The following KCNC2 variants were observed in gnomAD, a reference collection of about 807,000 sequenced individuals.
KCNC2 encodes potassium voltage-gated channel subfamily C member 2.
In KCNC2, 21 loss-of-function variants were observed where a neutral mutation model predicts 44.5. That is an observed-to-expected ratio of 0.47 (90% CI 0.33 to 0.68). The LOEUF is 0.68. Among genes scored for constraint, KCNC2 ranks in the 30% least tolerant of loss-of-function variants. The pLI is 0.01. For missense variants in KCNC2, 589 were observed against 826.2 expected (o/e 0.71, Z 3.52); for synonymous variants, 391 against 339.1 (o/e 1.15, Z -1.68).
At chr12:75,103,285 G>T (rs181031475) in intron 2 of KCNC2, among the ~76,000 whole-genome samples, 1 of 152,152 alleles carries the variant, frequency 6.6e-6, no homozygotes, top group Non-Finnish European at 1.5e-5. Context: ...TCTTTAGGGG[G>T]TTTACCCCCC....
At chr12:75,069,127 A>ATATTTTTT (rs1231157819) in intron 2 of KCNC2, among the ~76,000 whole-genome samples, 3 of 33,906 alleles carry the variant, frequency 8.8e-5, no homozygotes, top group African/African-American at 9.5e-5. Flanking sequence ...ATTTTATATA[A>ATATTTTTT]TCTTTTTTTT....
At chr12:75,120,233 G>T (rs1008636222) in intron 2 of KCNC2, among the ~76,000 whole-genome samples, 1 of 152,110 alleles carries the variant, frequency 6.6e-6, no homozygotes, top group Non-Finnish European at 1.5e-5. Context: ...GAGATTCCAC[G>T]GTATAGCTAC....
intron 2 of KCNC2, among the ~76,000 whole-genome samples, chr12:75,158,801 T>G (rs1018096683): frequency 1.3e-5 from 2 of 151,906 alleles, no homozygotes; most frequent in Non-Finnish European, 2.9e-5. Flanking sequence ...CAGGGTTATC[T>G]TCTACAGATT....
intron 4 of KCNC2, among the ~76,000 whole-genome samples, chr12:75,046,015 A>G (rs1880466150): frequency 6.6e-6 from 1 of 151,840 alleles, no homozygotes; most frequent in Non-Finnish European, 1.5e-5. Context: ...AAAGGGAAAC[A>G]GGAGAAGAAA....
chr12:75,187,288 C>T (rs994449844), intron 2 of KCNC2, among the ~76,000 whole-genome samples: 3 of 152,070 alleles, frequency 2.0e-5, no homozygotes, highest in Non-Finnish European at 4.4e-5. Context: ...AATTGTGTAC[C>T]GAAGAACACA....
intron 2 of KCNC2, among the ~76,000 whole-genome samples, chr12:75,181,135 T>A (rs1892543826): frequency 6.6e-6 from 1 of 152,002 alleles, no homozygotes; most frequent in Non-Finnish European, 1.5e-5. Flanking sequence ...CTCATGGAAA[T>A]GGAAGAAAAA....
intron 2 of KCNC2, among the ~76,000 whole-genome samples, chr12:75,177,427 T>C (rs1367310242): frequency 1.3e-5 from 2 of 151,970 alleles, no homozygotes; most frequent in Admixed American, 1.3e-4. Flanking sequence ...TTGTGTCAGG[T>C]AAGATGCTTT....
chr12:75,202,873 T>C (rs796343344), intron 2 of KCNC2, among the ~76,000 whole-genome samples: 3 of 151,610 alleles, frequency 2.0e-5, no homozygotes, highest in East Asian at 3.9e-4. Flanking sequence ...TTTAATTTAA[T>C]AGATAATGCC....
chr12:75,049,788 T>C (rs560999154), intron 3 of KCNC2, among the ~76,000 whole-genome samples: 2 of 152,236 alleles, frequency 1.3e-5, no homozygotes, highest in South Asian at 2.1e-4. Context: ...TATAATGAGA[T>C]ACCCTACTTA....
In KCNC2 at chr12:75,041,026, C is replaced by G; in HGVS notation, c.*2079G>C. 8.4e-7 allele frequency: 1 copy of G among 1,196,734 alleles called. No individual in the cohort carries two copies. The highest frequency in any genetic ancestry group is 1.2e-6 in the Non-Finnish European group (1 of 822,130). The allele number at this position is 1,196,734 out of a possible 1,614,324, so 74.1% of individuals were successfully genotyped here. On this transcript the variant is annotated 3_prime_UTR_variant, in exon 5 of 5. Transcript: ENST00000549446. ...TGGGGAGCACCAGATGAGTTCCAGC[C>G]GCAGTTCTTTTATAAGCTTTAAGTG...
chr12:75,155,743 A>G (rs929458869), intron 2 of KCNC2, among the ~76,000 whole-genome samples: 5 of 151,476 alleles, frequency 3.3e-5, no homozygotes, highest in African/African-American at 7.3e-5. Context: ...ACATTGGTCA[A>G]GCAGATGAAG....
intron 2 of KCNC2, among the ~76,000 whole-genome samples, chr12:75,078,475 A>G (rs1002735976): frequency 6.6e-6 from 1 of 152,206 alleles, no homozygotes; most frequent in Non-Finnish European, 1.5e-5. Flanking sequence ...GTTGAATAGA[A>G]TAGCTCTTTC....
intron 2 of KCNC2, among the ~76,000 whole-genome samples, chr12:75,151,951 T>TAATATATTATATATTATACATTTATATAC (rs1379338137): frequency 6.8e-6 from 1 of 146,372 alleles, no homozygotes; most frequent in East Asian, 2.0e-4. Context: ...CATTTATATA[T>TAATATATTATATATTATACATTTATATAC]AATATATTAT....
At chr12:75,043,296 C>A (rs966444436) in intron 4 of KCNC2, 55 bp from the exon 5 acceptor site, 1 of 1,600,270 alleles carries the variant, frequency 6.2e-7, no homozygotes, top group Non-Finnish European at 8.5e-7. Context: ...TATAGACAGA[C>A]AAATAATACC....
intron 2 of KCNC2, among the ~76,000 whole-genome samples, chr12:75,083,942 C>T (rs1014506317): frequency 1.3e-5 from 2 of 151,812 alleles, no homozygotes; most frequent in Admixed American, 6.6e-5. Flanking sequence ...TAGTTTTATA[C>T]CCTCTGTTCT....
chr12:75,142,929 T>G (rs923631388), intron 2 of KCNC2, among the ~76,000 whole-genome samples: 1 of 152,194 alleles, frequency 6.6e-6, no homozygotes, highest in African/African-American at 2.4e-5. Context: ...GTTAAAGTGA[T>G]AAAGTATTTA....
chr12:75,139,206 T>C (rs1207442766), intron 2 of KCNC2, among the ~76,000 whole-genome samples: 1 of 152,072 alleles, frequency 6.6e-6, no homozygotes, highest in Non-Finnish European at 1.5e-5. Context: ...CGAGTTAAAA[T>C]AACCAACTCA....
At chr12:75,086,079 T>C (rs1884970131) in intron 2 of KCNC2, among the ~76,000 whole-genome samples, 1 of 152,092 alleles carries the variant, frequency 6.6e-6, no homozygotes, top group Non-Finnish European at 1.5e-5. Context: ...ACTCATACTA[T>C]AGTATGCTCT....
intron 2 of KCNC2, among the ~76,000 whole-genome samples, chr12:75,180,944 T>C (rs1892530337): frequency 6.6e-6 from 1 of 152,148 alleles, no homozygotes; most frequent in Admixed American, 6.5e-5. Flanking sequence ...AAAATCAATT[T>C]CTTCACAACT....
Sources: gnomAD v4.1 joint callset for allele counts (sites outside exome capture counted in the v4.1 genomes callset) on GRCh38, gnomAD v4.1.1 for gene constraint, MANE v1.5 for transcripts, NCBI Gene and HGNC (gene_info 2026-07-23, HGNC 2026-07-21) for gene names.